The following KIRREL3 variants were observed in gnomAD, a reference collection of about 807,000 sequenced individuals.
KIRREL3 encodes the protein kirre like nephrin family adhesion molecule 3, also known as kin of IRRE-like protein 3.
Under a neutral mutation model 89.7 loss-of-function variants are expected in KIRREL3, and 36 were observed. The ratio of observed to expected loss-of-function variants is 0.40; its 90% CI spans 0.31 to 0.53. KIRREL3 has a LOEUF of 0.53. Among genes scored for constraint, KIRREL3 ranks in the 20% least tolerant of loss-of-function variants. The pLI is 0.49. For synonymous variants in KIRREL3, 445 were observed against 441.4 expected, an observed-to-expected ratio of 1.01 and a Z score of -0.10; for missense variants, 864 against 1,056.6, an observed-to-expected ratio of 0.82 and a Z score of 2.53.
chr11:126,580,404 C>T lies in KIRREL3; in HGVS notation c.56-17492G>A, dbSNP rs566314359. 7.9e-5 allele frequency among the ~76,000 whole-genome samples: 12 copies of T among 152,194 alleles called. No individual in the cohort carries two copies. The East Asian group carries it at 1.2e-3, about 15-fold the overall frequency. On this transcript the variant is annotated intron_variant, in intron 1 of 16. Transcript: ENST00000525144. ...CCTAGAATGCTGGGGACTGGTGAAC[C>T]GGACAGCAGGAGGACATTCTAGGAG...
chr11:126,717,933 A>C (rs1948029708), intron 1 of KIRREL3, among the ~76,000 whole-genome samples: 1 of 152,206 alleles, frequency 6.6e-6, no homozygotes, highest in African/African-American at 2.4e-5. Context: ...AATGGAACAA[A>C]TACAGATGGT....
chr11:126,975,664 A>G (rs1280034301), intron 1 of KIRREL3, among the ~76,000 whole-genome samples: 1 of 152,114 alleles, frequency 6.6e-6, no homozygotes, highest in East Asian at 1.9e-4. Context: ...TGGTAGTTCA[A>G]TTGCAATTTT....
intron 1 of KIRREL3, among the ~76,000 whole-genome samples, chr11:126,957,666 C>T (rs541762764): frequency 7.2e-5 from 11 of 152,246 alleles, no homozygotes; most frequent in East Asian, 1.9e-4. Context: ...CAGGGTTGGA[C>T]GTGTTGTAGG....
chr11:126,673,826 T>A (rs886604780), intron 1 of KIRREL3, among the ~76,000 whole-genome samples: 3 of 152,232 alleles, frequency 2.0e-5, no homozygotes, highest in African/African-American at 7.2e-5. Context: ...AACACCGGGA[T>A]GGATGTTCCT....
rs560954520 is a variant in KIRREL3, at chr11:126,678,366, C to T, written c.56-115454G>A. The stretch of plus-strand genomic sequence containing the variant: ...CTGTAATCTCACCACTTTGGGAGGC[C>T]GAGGCGGGCAGATCACGAGGTCAGG... On this transcript the variant is annotated intron_variant, in intron 1 of 16. Transcript: ENST00000525144. Among the ~76,000 whole-genome samples the T allele has an allele frequency of 7.6e-4, 116 of 151,958 alleles. 1 individual carries two copies. The highest frequency in any genetic ancestry group is 2.0e-3 in the African/African-American group (84 of 41,440).
chr11:126,556,959 C>A lies in KIRREL3; in HGVS notation c.133+5876G>T, dbSNP rs561821045. On this transcript the variant is annotated intron_variant, in intron 2 of 16. Coordinates refer to ENST00000525144, the MANE Select transcript of KIRREL3 (RefSeq NM_032531.4). ...AAGAAAAATGAATTTAGAAAAAATGCACCCCAAAGCCCCAACTAACAAAAT... is the reference window on the plus strand; with the variant it reads ...AAGAAAAATGAATTTAGAAAAAATGAACCCCAAAGCCCCAACTAACAAAAT... Among the ~76,000 whole-genome samples the A allele has an allele frequency of 6.6e-5, 10 of 152,316 alleles. No homozygotes were observed. The East Asian group carries it at 1.9e-3, about 29-fold the overall frequency.
chr11:126,937,190 G>A (rs1262660246), intron 1 of KIRREL3: 1 of 152,212 alleles, frequency 6.6e-6, no homozygotes, highest in African/African-American at 2.4e-5. Flanking sequence ...AGCTTAGCCA[G>A]AAAGAGGATA....
At position 126,983,701 on chromosome 11, in the gene KIRREL3, C is replaced by T. The variant is rs1295528026; in HGVS notation, c.55+16754G>A. Among the ~76,000 whole-genome samples, 1 of 152,168 alleles carries T rather than the reference C, an allele frequency of 6.6e-6. No individual in the cohort carries two copies. Among genetic ancestry groups the T allele is most frequent in the Non-Finnish European group, 1.5e-5 (1 of 68,038 alleles). ...TTTCCCTATAGCCTCCAGAAAGAAA[C>T]AGCCCTGCAGCACCTGGATGCCAGC... On this transcript the variant is annotated intron_variant, in intron 1 of 16. Transcript: ENST00000525144. The surrounding 1 kb of genome is among the most constrained non-coding windows in gnomAD (Gnocchi z 4.9).
chr11:126,580,359 G>A (rs183898929), intron 1 of KIRREL3, among the ~76,000 whole-genome samples: 102 of 152,318 alleles, frequency 6.7e-4, no homozygotes, highest in African/African-American at 2.3e-3. Flanking sequence ...TCGTGGAGGA[G>A]GCTGGACTAT....
rs553162046 is a variant in KIRREL3, at chr11:126,424,925, C to T, written c.1992G>A (p.Ala664=). 1.4e-5 allele frequency: 23 copies of T among 1,602,830 alleles called. No homozygotes were observed. Among genetic ancestry groups the T allele is most frequent in the South Asian group, 1.1e-4 (10 of 90,578 alleles). ...TGCCTGTGGGCACACGCTGCTTGCCCGCAGGACGCAGGTCGGGCTGGCAGC... is the reference window on the plus strand; with the variant it reads ...TGCCTGTGGGCACACGCTGCTTGCCTGCAGGACGCAGGTCGGGCTGGCAGC... The part of the protein sequence containing the change: ...LSSCQPDLRP[A]GKQRVPTGMS... The change falls in exon 17 of 17, where the codon GCG becomes GCA. Residue 664 remains alanine, a synonymous_variant. Coordinates refer to ENST00000525144, the MANE Select transcript of KIRREL3 (RefSeq NM_032531.4).
chr11:126,549,829 TGGAGA>T (rs1457736547), intron 2 of KIRREL3: 3 of 152,214 alleles, frequency 2.0e-5, no homozygotes, highest in African/African-American at 7.2e-5. Flanking sequence ...GTGTGGCGTT[TGGAGA>T]GCCTGGCTGA....
In KIRREL3 at chr11:126,519,314, G is replaced by A. The variant is rs1476799944; in HGVS notation, c.433+2001C>T. On this transcript the variant is annotated intron_variant, in intron 4 of 16. Transcript: ENST00000525144. The surrounding 1 kb of genome is among the most constrained non-coding windows in gnomAD (Gnocchi z 4.3). ...AGATGCTGCTGGCATCTGGGAACAG[G>A]AGACTAGGCAAAGAGCTTGGAGCTG... Among the ~76,000 whole-genome samples, 2 of 152,236 alleles carry A rather than the reference G, an allele frequency of 1.3e-5. No individual in the cohort carries two copies. The highest frequency in any genetic ancestry group is 4.8e-5 in the African/African-American group (2 of 41,454).
At chr11:126,934,635 A>G (rs1434444677) in intron 1 of KIRREL3, among the ~76,000 whole-genome samples, 1 of 152,254 alleles carries the variant, frequency 6.6e-6, no homozygotes, top group Non-Finnish European at 1.5e-5. Context: ...ATGAAATTCA[A>G]GAGTATTAAC....
intron 1 of KIRREL3, among the ~76,000 whole-genome samples, chr11:126,899,497 A>C (rs568888717): frequency 2.6e-5 from 4 of 152,360 alleles, no homozygotes; most frequent in African/African-American, 9.6e-5. Context: ...TCCTCTTCTG[A>C]GAATTAAAAT....
At chr11:126,572,443 G>A (rs1013511156) in intron 1 of KIRREL3, among the ~76,000 whole-genome samples, 84 of 152,350 alleles carry the variant, frequency 5.5e-4, no homozygotes, top group African/African-American at 1.8e-3. Context: ...GGAAATGGAC[G>A]ACCCAGGATT....
intron 2 of KIRREL3, among the ~76,000 whole-genome samples, chr11:126,533,209 C>T (rs1958995938): frequency 6.6e-6 from 1 of 152,194 alleles, no homozygotes; most frequent in Non-Finnish European, 1.5e-5. Context: ...TACCGTATCA[C>T]ACCTACGTGA....
intron 1 of KIRREL3, among the ~76,000 whole-genome samples, chr11:126,591,758 T>C (rs955148125): frequency 6.6e-6 from 1 of 152,208 alleles, no homozygotes; most frequent in African/African-American, 2.4e-5. Flanking sequence ...TAAGTTAGGC[T>C]CTTTACAGCT....
At position 126,710,178 on chromosome 11, in the gene KIRREL3, C is replaced by A. The variant is rs1189066959; in HGVS notation, c.56-147266G>T. ...CTGTGTCCATCAGTAGATGGGCTGGCATCAGTGGACCCCAGATCTGTCCAC... is the reference window on the plus strand; with the variant it reads ...CTGTGTCCATCAGTAGATGGGCTGGAATCAGTGGACCCCAGATCTGTCCAC... On this transcript the variant is annotated intron_variant, in intron 1 of 16. Transcript: ENST00000525144. The surrounding 1 kb of genome is among the most constrained non-coding windows in gnomAD (Gnocchi z 4.2). Among the ~76,000 whole-genome samples, 1 of 152,188 alleles carries A rather than the reference C, an allele frequency of 6.6e-6. No homozygotes were observed. Among genetic ancestry groups the A allele is most frequent in the Admixed American group, 6.5e-5 (1 of 15,280 alleles).
At chr11:126,855,851 C>T (rs911493398) in intron 1 of KIRREL3, among the ~76,000 whole-genome samples, 1 of 152,218 alleles carries the variant, frequency 6.6e-6, no homozygotes, top group African/African-American at 2.4e-5. Flanking sequence ...TGGGCTCCTT[C>T]ATCAGGGTTT....
Sources: allele counts gnomAD v4.1 joint callset (sites outside exome capture counted in the v4.1 genomes callset), GRCh38; gene constraint gnomAD v4.1.1; non-coding constraint Gnocchi (gnomAD v3.1); transcripts MANE v1.5; gene names NCBI Gene and HGNC (gene_info 2026-07-23, HGNC 2026-07-21).